LHX4: variants seen among roughly 807,000 people sequenced by gnomAD.
The protein encoded by LHX4 is LIM/homeobox protein Lhx4.
A neutral mutation model predicts 39.2 loss-of-function variants in LHX4; 16 were observed. That is an observed-to-expected ratio of 0.41 (90% CI 0.28 to 0.62). LHX4 has a LOEUF of 0.62. Ranked by LOEUF, LHX4 falls within the 20% of genes least tolerant of loss-of-function variation. The pLI is 0.33. For synonymous variants in LHX4, 206 were observed against 198.1 expected (o/e 1.04, Z -0.33); for missense variants, 439 against 511.9 (o/e 0.86, Z 1.37).
chr1:180,243,312 C>T lies in LHX4; in HGVS notation c.77-4973C>T, dbSNP rs535964845. ...GTAAGGGGAGGGGAGGGGAGGAGTT[C>T]TCCCCTCCTCTGCCCTGCAAGAGGA... On this transcript the variant is annotated intron_variant, in intron 1 of 5. Transcript: ENST00000263726. Among the ~76,000 whole-genome samples the T allele has an allele frequency of 4.6e-5, 7 of 151,992 alleles. No homozygotes were observed. The East Asian group carries it at 1.4e-3, about 29-fold the overall frequency.
At position 180,271,540 on chromosome 1, in the gene LHX4, A is replaced by T; in HGVS notation, c.606+6A>T. On this transcript the variant is annotated splice_donor_region_variant and intron_variant, in intron 4 of 5. Transcript: ENST00000263726. ...TGGACATGAGGGTCGTACAGGTGAG[A>T]TGCCAGCACTCCTGTGCCCTCCGGG... The T allele has an allele frequency of 6.2e-7, 1 of 1,614,006 alleles. No individual in the cohort carries two copies. The highest frequency in any genetic ancestry group is 8.5e-7 in the Non-Finnish European group (1 of 1,179,934).
chr1:180,272,255 G>A (rs575756222), intron 5 of LHX4, among the ~76,000 whole-genome samples: 41 of 152,096 alleles, frequency 2.7e-4, no homozygotes, highest in Non-Finnish European at 1.2e-4. Context: ...TGGCCCCAAG[G>A]TCTCCCCTCC....
intron 2 of LHX4, among the ~76,000 whole-genome samples, chr1:180,258,815 A>G (rs1647980401): frequency 1.3e-5 from 2 of 151,408 alleles, no homozygotes; most frequent in Admixed American, 6.6e-5. Context: ...AAATAATAAT[A>G]GTAATAATAA....
chr1:180,242,693 T>C (rs1664468664), intron 1 of LHX4, among the ~76,000 whole-genome samples: 1 of 152,138 alleles, frequency 6.6e-6, no homozygotes, highest in South Asian at 2.1e-4. Flanking sequence ...TTTCCAAAGA[T>C]TCTTTGGCTG....
rs770324044 is a variant in LHX4 at position 180,274,553 on chromosome 1, G to C, written c.1147G>C (p.Asp383His). 1.9e-6 allele frequency: 3 copies of C among 1,588,808 alleles called. No individual in the cohort carries two copies. The highest frequency in any genetic ancestry group is 2.7e-5 in the African/African-American group (2 of 74,632). Residue 383 changes from aspartate to histidine, a missense_variant, in exon 6 of 6, where the codon GAT becomes CAT. Transcript: ENST00000263726. Reference protein sequence around the residue: ...DFPTSPGSWLDEMDHPPF With the variant: ...DFPTSPGSWLHEMDHPPF ...TCCAACTAGCCCAGGCTCTTGGCTC[G>C]ATGAAATGGATCATCCTCCTTTTTA...
In LHX4 at chr1:180,266,732, G is replaced by A. The variant is rs748685595; in HGVS notation, c.451+138G>A. 2.6e-5 allele frequency: 21 copies of A among 816,432 alleles called. No homozygotes were observed. Among genetic ancestry groups the A allele is most frequent in the Non-Finnish European group, 3.5e-5 (17 of 491,136 alleles). The allele number at this position is 816,432 out of a possible 1,614,324, so 50.6% of individuals were successfully genotyped here. A position where few individuals can be genotyped will look rare whatever the true frequency, so the allele number is the denominator to read the frequency against. On this transcript the variant is annotated intron_variant, in intron 3 of 5. Coordinates refer to ENST00000263726, the MANE Select transcript of LHX4 (RefSeq NM_033343.4). This position sits in a 1 kb window ranked among gnomAD's most constrained non-coding sequence, Gnocchi z 5.7. ...TCATGCACCGCCACCTCTGAGAAGC[G>A]TCCCAGATCTCCACACTGAGAGTAA...
upstream of LHX4, chr1:180,230,214 T>A: frequency 3.0e-6 from 1 of 333,346 alleles, no homozygotes; most frequent in East Asian, 6.3e-5. The surrounding 1 kb of genome is among the most constrained non-coding windows in gnomAD (Gnocchi z 5.8). Flanking sequence ...ACGCGAAGGG[T>A]GGAGGGGGAG....
chr1:180,250,323 TTG>T (rs757617473), intron 2 of LHX4, among the ~76,000 whole-genome samples: 1,819 of 119,306 alleles, frequency 0.015, 65 homozygotes, highest in Admixed American at 0.078. Flanking sequence ...TTCCCTGTGT[TTG>T]TGTGTGTGTG....
rs764386568 is a variant in LHX4, at chr1:180,274,564, T to C, written c.1158T>C (p.Asp386=). The part of the protein sequence containing the change: ...TSPGSWLDEM[D]HPPF ...CAGGCTCTTGGCTCGATGAAATGGA[T>C]CATCCTCCTTTTTAAACTTCTCTCC... is the stretch of plus-strand genomic sequence containing the variant. Residue 386 remains aspartate, a synonymous_variant, in exon 6 of 6, where the codon GAT becomes GAC. Transcript: ENST00000263726. 6.3e-7 allele frequency: 1 copy of C among 1,580,212 alleles called. No individual in the cohort carries two copies. The highest frequency in any genetic ancestry group is 1.7e-5 in the Admixed American group (1 of 58,892).
intron 2 of LHX4, among the ~76,000 whole-genome samples, chr1:180,253,770 C>T (rs947461029): frequency 4.6e-5 from 7 of 152,180 alleles, no homozygotes; most frequent in East Asian, 1.9e-4. Flanking sequence ...CCCCTTGACC[C>T]GCAGCCCTGC....
intron 2 of LHX4, among the ~76,000 whole-genome samples, chr1:180,254,698 C>T (rs1056476055): frequency 4.6e-5 from 7 of 152,136 alleles, no homozygotes; most frequent in East Asian, 1.9e-4. Flanking sequence ...AGAGCAGGTG[C>T]GGGGTTTTGA....
chr1:180,258,458 G>A (rs1407748052), intron 2 of LHX4, among the ~76,000 whole-genome samples: 2 of 152,340 alleles, frequency 1.3e-5, no homozygotes, highest in African/African-American at 2.4e-5. Context: ...AGAAGCCACT[G>A]GAAGGTTTCA....
At chr1:180,249,133 T>C (rs1303694876) in intron 2 of LHX4, among the ~76,000 whole-genome samples, 1 of 152,242 alleles carries the variant, frequency 6.6e-6, no homozygotes, top group Non-Finnish European at 1.5e-5. Flanking sequence ...ATCTGTAAAA[T>C]GGGGCTCACA....
upstream of LHX4, among the ~76,000 whole-genome samples, chr1:180,229,849 C>G (rs1664121468): frequency 6.6e-6 from 1 of 151,656 alleles, no homozygotes; most frequent in East Asian, 2.0e-4. Flanking sequence ...CGAAGACCCG[C>G]AAACCCAGGG....
rs1363394141 is a variant in LHX4, at chr1:180,271,916, A to G, written c.688A>G (p.Ser230Gly). 2 of 1,613,442 alleles carry G rather than the reference A, an allele frequency of 1.2e-6. No homozygotes were observed. The highest frequency in any genetic ancestry group is 8.5e-7 in the Non-Finnish European group (1 of 1,179,924). Residue 230 changes from serine to glycine, a missense_variant, in exon 5 of 6, where the codon AGC becomes GGC. Transcript: ENST00000263726. ...GRHRWGQFYK[S>G]VKRSRGSSKQ... ...GCACCGCTGGGGGCAGTTCTATAAG[A>G]GCGTCAAGAGGAGCCGGGGCAGCAG... is the stretch of plus-strand genomic sequence containing the variant.
In LHX4 at chr1:180,234,553, G is replaced by A. The variant is rs1664267704; in HGVS notation, c.76+3948G>A. Among the ~76,000 whole-genome samples, 1 of 152,170 alleles carries A rather than the reference G, an allele frequency of 6.6e-6. No homozygotes were observed. Among genetic ancestry groups the A allele is most frequent in the South Asian group, 2.1e-4 (1 of 4,834 alleles). ...AGGGCTCCGGCCTCCTCCTTTCCAG[G>A]GCCTTGTTATCTGAGAGGGCCGTTA... On this transcript the variant is annotated intron_variant, in intron 1 of 5. Transcript: ENST00000263726. This position sits in a 1 kb window ranked among gnomAD's most constrained non-coding sequence, Gnocchi z 4.8.
At chr1:180,247,348 C>T (rs1647426508) in intron 1 of LHX4, among the ~76,000 whole-genome samples, 1 of 152,174 alleles carries the variant, frequency 6.6e-6, no homozygotes, top group African/African-American at 2.4e-5. Flanking sequence ...GATTACTCAT[C>T]AGGTGGCAGG....
chr1:180,241,497 G>C (rs1664444311), intron 1 of LHX4, among the ~76,000 whole-genome samples: 4 of 152,228 alleles, frequency 2.6e-5, no homozygotes, highest in Non-Finnish European at 5.9e-5. Flanking sequence ...GCCTTGGACA[G>C]TGGCACTGTG....
At position 180,275,214 on chromosome 1, in the gene LHX4, GT is replaced by G. The variant is rs1269122489; in HGVS notation, c.*640del. On this transcript the variant is annotated 3_prime_UTR_variant, in exon 6 of 6. Transcript: ENST00000263726. Reference sequence around the variant, plus strand: ...AACCAGAGAATATGAACCTGTTTTGGTTTTTAAGTGTCCCATCTATATCATT... The same window carrying G: ...AACCAGAGAATATGAACCTGTTTTGGTTTTAAGTGTCCCATCTATATCATT... 1 of 152,132 alleles carries G rather than the reference GT, an allele frequency of 6.6e-6. No individual in the cohort carries two copies. Among genetic ancestry groups the G allele is most frequent in the African/African-American group, 2.4e-5 (1 of 41,406 alleles). The allele number at this position is 152,132 out of a possible 1,614,324, so 9.4% of individuals were successfully genotyped here.
Sources: gnomAD v4.1 joint callset for allele counts (sites outside exome capture counted in the v4.1 genomes callset) on GRCh38, gnomAD v4.1.1 for gene constraint, Gnocchi (gnomAD v3.1) non-coding constraint, MANE v1.5 for transcripts, NCBI Gene and HGNC (gene_info 2026-07-23, HGNC 2026-07-21) for gene names.